Variants in RAB38 observed in about 807,000 individuals in gnomAD.
RAB38 encodes RAB38, member RAS oncogene family, also known as ras-related protein Rab-38.
RAB38 carries 15 observed loss-of-function variants against 18.4 expected under a neutral mutation model. The observed-to-expected ratio is 0.82, with a 90% CI of 0.55 to 1.26. The LOEUF is 1.26. RAB38 is among the 50% of genes most tolerant of loss of function. RAB38 has a pLI of 0.00. For missense variants in RAB38, 294 were observed against 267.4 expected, an observed-to-expected ratio of 1.10 and a Z score of -0.69; for synonymous variants, 101 against 104.4, an observed-to-expected ratio of 0.97 and a Z score of 0.20.
intron 2 of RAB38, among the ~76,000 whole-genome samples, chr11:88,137,472 T>C (rs1230201425): frequency 1.3e-5 from 2 of 152,004 alleles, no homozygotes; most frequent in Non-Finnish European, 2.9e-5. Flanking sequence ...ATTGCTGAAA[T>C]TAAAAATTAT....
chr11:87,941,972 G>T, the RAB38 span, among the ~76,000 whole-genome samples: 2 of 152,150 alleles, frequency 1.3e-5, no homozygotes, highest in East Asian at 3.9e-4. Context: ...CTTGCTCCTT[G>T]TCTGGGTATT....
At chr11:87,926,212 AG>A in the RAB38 span, among the ~76,000 whole-genome samples, 1 of 152,014 alleles carries the variant, frequency 6.6e-6, no homozygotes, top group South Asian at 2.1e-4. Context: ...TTTTACCCTC[AG>A]GTCCTTTTTG....
the RAB38 span, among the ~76,000 whole-genome samples, chr11:87,955,361 T>C: frequency 6.6e-6 from 1 of 152,208 alleles, no homozygotes; most frequent in East Asian, 1.9e-4. Flanking sequence ...CACTGGAGGC[T>C]GCTGGAAGCG....
At chr11:87,904,326 G>A in the RAB38 span, among the ~76,000 whole-genome samples, 4 of 151,790 alleles carry the variant, frequency 2.6e-5, no homozygotes, top group Non-Finnish European at 1.5e-5. Context: ...GCCACTTAAA[G>A]TGAGAGCATG....
At chr11:88,103,574 A>G in the RAB38 span, among the ~76,000 whole-genome samples, 1 of 152,120 alleles carries the variant, frequency 6.6e-6, no homozygotes, top group Non-Finnish European at 1.5e-5. Flanking sequence ...TCACCTGACT[A>G]GCACCAGATC....
chr11:88,149,608 G>A (rs1393141156), intron 2 of RAB38, 67 bp downstream of exon 2: 13 of 1,492,096 alleles, frequency 8.7e-6, no homozygotes, highest in Middle Eastern at 1.8e-4. Flanking sequence ...TGATGATGGT[G>A]ATGATTATGT....
chr11:88,139,066 G>A (rs1942873344), intron 2 of RAB38, among the ~76,000 whole-genome samples: 1 of 152,124 alleles, frequency 6.6e-6, no homozygotes, highest in Non-Finnish European at 1.5e-5. Context: ...TAACAGGTGT[G>A]AGCCACCATG....
chr11:87,812,001 G>A, the RAB38 span, among the ~76,000 whole-genome samples: 1 of 152,126 alleles, frequency 6.6e-6, no homozygotes, highest in East Asian at 1.9e-4. Context: ...TATCCTTGTG[G>A]AAATTCAGAT....
the RAB38 span, among the ~76,000 whole-genome samples, chr11:87,880,595 A>G: frequency 6.6e-6 from 1 of 151,850 alleles, no homozygotes; most frequent in African/African-American, 2.4e-5. Context: ...GGCAGTTTAT[A>G]TTCAGTTTTG....
chr11:87,905,450 G>A, the RAB38 span, among the ~76,000 whole-genome samples: 2 of 151,772 alleles, frequency 1.3e-5, no homozygotes, highest in South Asian at 2.1e-4. Context: ...TATAAATGGT[G>A]TATTTTCCTC....
At chr11:87,930,641 A>G in the RAB38 span, among the ~76,000 whole-genome samples, 5 of 152,184 alleles carry the variant, frequency 3.3e-5, no homozygotes, top group Admixed American at 6.5e-5. Flanking sequence ...GCATTTGACC[A>G]TGCCTATGTC....
At chr11:88,174,484 C>T (rs781154073) in intron 1 of RAB38, among the ~76,000 whole-genome samples, 42 of 152,030 alleles carry the variant, frequency 2.8e-4, no homozygotes, top group Non-Finnish European at 5.6e-4. Flanking sequence ...TAAAAATGGC[C>T]TTAAAATATA....
downstream of RAB38, among the ~76,000 whole-genome samples, chr11:88,110,759 G>C (rs1227005534): frequency 6.6e-6 from 1 of 150,832 alleles, no homozygotes; most frequent in Non-Finnish European, 1.5e-5. Flanking sequence ...GGAGGTTTCA[G>C]TGAGCTATCG....
At chr11:88,148,773 G>A (rs1327435976) in intron 2 of RAB38, among the ~76,000 whole-genome samples, 9 of 152,132 alleles carry the variant, frequency 5.9e-5, no homozygotes, top group Non-Finnish European at 1.2e-4. Flanking sequence ...TTGAATAAAA[G>A]TGGAAAAATC....
the RAB38 span, among the ~76,000 whole-genome samples, chr11:87,825,457 T>C: frequency 3.9e-5 from 6 of 152,128 alleles, no homozygotes; most frequent in Non-Finnish European, 7.4e-5. Context: ...TCTTGTCTCT[T>C]CACTTGGCTG....
the RAB38 span, among the ~76,000 whole-genome samples, chr11:87,811,703 C>CT: frequency 2.0e-5 from 3 of 151,898 alleles, no homozygotes; most frequent in Non-Finnish European, 4.4e-5. Flanking sequence ...TATTGTGTTG[C>CT]TTTTTAAATT....
the RAB38 span, among the ~76,000 whole-genome samples, chr11:87,893,371 C>CATATATATATATATATGTATATATAT: frequency 1.5e-4 from 13 of 86,418 alleles, no homozygotes; most frequent in East Asian, 4.9e-3. Flanking sequence ...ATATATTTTA[C>CATATATATATATATATGTATATATAT]ATATATATAT....
chr11:87,941,212 G>GATATAATATATAT, the RAB38 span, among the ~76,000 whole-genome samples: 28 of 37,802 alleles, frequency 7.4e-4, 1 homozygote, highest in African/African-American at 3.5e-3. Context: ...ATAAATATAT[G>GATATAATATATAT]AGATATATAT....
the RAB38 span, among the ~76,000 whole-genome samples, chr11:88,101,859 C>T: frequency 6.6e-6 from 1 of 151,406 alleles, no homozygotes; most frequent in Admixed American, 6.6e-5. Flanking sequence ...TATTTATATA[C>T]TATTAACATA....
Sources: gnomAD v4.1 joint callset for allele counts (sites outside exome capture counted in the v4.1 genomes callset) on GRCh38, gnomAD v4.1.1 for gene constraint, MANE v1.5 for transcripts, NCBI Gene and HGNC (gene_info 2026-07-23, HGNC 2026-07-21) for gene names.